TRIOBP: variants seen among roughly 807,000 people sequenced by gnomAD.
TRIOBP encodes the protein TRIO and F-actin binding protein, also known as TRIO and F-actin-binding protein.
TRIOBP carries 169 observed loss-of-function variants against 238.8 expected under a neutral mutation model. The ratio of observed to expected loss-of-function variants is 0.71; its 90% CI spans 0.62 to 0.80. The LOEUF is 0.80. Ranked by LOEUF, TRIOBP falls within the 30% of genes least tolerant of loss-of-function variation. TRIOBP has a pLI of 0.00. For synonymous variants in TRIOBP, 1,150 were observed against 1,274.4 expected, an observed-to-expected ratio of 0.90 and a Z score of 2.08; for missense variants, 2,838 against 3,122.6, an observed-to-expected ratio of 0.91 and a Z score of 2.17.
chr22:37,720,167 G>C (rs187611563), intron 6 of TRIOBP, among the ~76,000 whole-genome samples: 1 of 151,424 alleles, frequency 6.6e-6, no homozygotes, highest in Non-Finnish European at 1.5e-5. Flanking sequence ...GCACCACCAC[G>C]CCCGGCTAAT....
intron 16 of TRIOBP, 89 bp from the exon 17 acceptor site, chr22:37,759,065 G>T: frequency 9.2e-7 from 1 of 1,087,076 alleles, no homozygotes; most frequent in Non-Finnish European, 1.4e-6. Flanking sequence ...TTGTATCCGT[G>T]TGGAGCTGGA....
At chr22:37,707,949 AG>A (rs1253589979) in intron 3 of TRIOBP, among the ~76,000 whole-genome samples, 7 of 134,938 alleles carry the variant, frequency 5.2e-5, no homozygotes, top group Non-Finnish European at 1.1e-4. Flanking sequence ...CTCAAAAAAA[AG>A]AAAAAAAAAA....
intron 17 of TRIOBP, among the ~76,000 whole-genome samples, chr22:37,761,442 A>G (rs2145874320): frequency 1.3e-5 from 2 of 152,248 alleles, no homozygotes; most frequent in Middle Eastern, 6.8e-3. Context: ...GTGAGACTCT[A>G]TCTAAAAACA....
chr22:37,753,883 CG>C (rs1569055690), intron 12 of TRIOBP, among the ~76,000 whole-genome samples: 1 of 152,104 alleles, frequency 6.6e-6, no homozygotes, highest in Non-Finnish European at 1.5e-5. Context: ...TGGCAGTGGG[CG>C]GGCCGCGACT....
At chr22:37,698,217 AAG>A (rs1491032482) in intron 2 of TRIOBP, among the ~76,000 whole-genome samples, 2,879 of 127,436 alleles carry the variant, frequency 0.023, 259 homozygotes, top group African/African-American at 0.082. Context: ...AAAAAAAAAA[AAG>A]AAAGAAAGAC....
intron 11 of TRIOBP, among the ~76,000 whole-genome samples, chr22:37,742,699 C>T (rs1041539231): frequency 6.6e-6 from 1 of 152,154 alleles, no homozygotes; most frequent in Non-Finnish European, 1.5e-5. Flanking sequence ...ACACACAGCA[C>T]GTCTGGCAGG....
At chr22:37,736,108 A>G (rs1288730282) in intron 9 of TRIOBP, among the ~76,000 whole-genome samples, 2 of 152,212 alleles carry the variant, frequency 1.3e-5, no homozygotes, top group Admixed American at 1.3e-4. Flanking sequence ...AAGTGGGCCC[A>G]GCGCCGGGCA....
At chr22:37,714,089 G>A (rs1473388252) in intron 5 of TRIOBP, among the ~76,000 whole-genome samples, 1 of 152,178 alleles carries the variant, frequency 6.6e-6, no homozygotes, top group Non-Finnish European at 1.5e-5. Flanking sequence ...CCTCAGAAGT[G>A]GAGATTTCAG....
Position 37,701,553 on chromosome 22 carries a change from G to A in TRIOBP, c.114+74G>A, listed in dbSNP as rs955941871. ...GTGAAGGACTGGGCCTGTGGTGTCC[G>A]CTAACTCGCAGTTGAACCCAGATGC... is the stretch of plus-strand genomic sequence containing the variant. On this transcript the variant is annotated intron_variant, in intron 3 of 23. Coordinates refer to ENST00000644935, the MANE Select transcript of TRIOBP (RefSeq NM_001039141.3). 2.4e-4 allele frequency: 269 copies of A among 1,105,936 alleles called. 1 individual carries two copies. The highest frequency in any genetic ancestry group is 3.1e-4 in the Non-Finnish European group (229 of 738,260). 68.5% of individuals were successfully genotyped at this position (1,105,936 alleles called of 1,614,324 possible). A position where few individuals can be genotyped will look rare whatever the true frequency, so the allele number is the denominator to read the frequency against.
intron 6 of TRIOBP, among the ~76,000 whole-genome samples, chr22:37,720,940 C>G (rs1923791832): frequency 6.6e-6 from 1 of 152,172 alleles, no homozygotes; most frequent in African/African-American, 2.4e-5. Flanking sequence ...TCACTGCAAC[C>G]TCCACCTCCC....
rs1032335712 is a variant in TRIOBP at position 37,726,046 on chromosome 22, G to A, written c.3490G>A (p.Val1164Met). Residue 1164 changes from valine to methionine, a missense_variant, in exon 7 of 24, where the codon GTG (valine) becomes ATG (methionine). By Grantham distance (21) the Val-to-Met change is conservative (BLOSUM62 1). Coordinates refer to ENST00000644935, the MANE Select transcript of TRIOBP (RefSeq NM_001039141.3). ...LHECPHIPTP[V>M]CIGHRDAPSF... ...CGAGTGCCCCCACATCCCCACCCCT[G>A]TGTGCATTGGGCACCGGGATGCACC... is the stretch of plus-strand genomic sequence containing the variant. 8.1e-5 allele frequency: 131 copies of A among 1,610,672 alleles called. No individual in the cohort carries two copies. Among genetic ancestry groups the A allele is most frequent in the Non-Finnish European group, 1.1e-4 (124 of 1,178,764 alleles).
At chr22:37,753,443 T>C (rs1925736078) in intron 12 of TRIOBP, among the ~76,000 whole-genome samples, 1 of 151,918 alleles carries the variant, frequency 6.6e-6, no homozygotes, top group East Asian at 1.9e-4. Context: ...CCCATCTAAT[T>C]TTTTTTTGTA....
intron 3 of TRIOBP, among the ~76,000 whole-genome samples, chr22:37,709,381 G>A (rs1923114934): frequency 6.6e-6 from 1 of 152,204 alleles, no homozygotes; most frequent in Admixed American, 6.5e-5. Flanking sequence ...GTTCTTGGCT[G>A]GGGCCCGGCT....
Position 37,725,235 on chromosome 22 carries a change from G to A in TRIOBP, c.2679G>A (p.Arg893=). The A allele has an allele frequency of 1.2e-6, 2 of 1,613,966 alleles. No individual in the cohort carries two copies. The highest frequency in any genetic ancestry group is 1.7e-6 in the Non-Finnish European group (2 of 1,179,998). ...PHRSTQWNNP[R]NSSPHRTNKD... ...GCTCCACTCAATGGAACAATCCCAG[G>A]AATTCATCTCCCCATCGTACTAACA... The change falls in exon 7 of 24, where the codon AGG becomes AGA. Residue 893 remains arginine, a synonymous_variant. Transcript: ENST00000644935.
chr22:37,762,548 G>A (rs552527874), intron 17 of TRIOBP, among the ~76,000 whole-genome samples: 1 of 152,324 alleles, frequency 6.6e-6, no homozygotes, highest in South Asian at 2.1e-4. Context: ...CAGGCGGTCT[G>A]GTCCCCAGGT....
At chr22:37,735,773 G>A (rs769989311) in intron 9 of TRIOBP, among the ~76,000 whole-genome samples, 1 of 152,234 alleles carries the variant, frequency 6.6e-6, no homozygotes, top group East Asian at 1.9e-4. Flanking sequence ...CTTGCTGGTG[G>A]GGCATGGGCA....
intron 17 of TRIOBP, 125 bp downstream of exon 17, chr22:37,759,389 T>C (rs201415877): frequency 2.8e-5 from 35 of 1,268,436 alleles, no homozygotes; most frequent in Admixed American, 8.4e-5. Flanking sequence ...GCATTTGACA[T>C]GCGTCATCTC....
At chr22:37,759,116 A>T in intron 16 of TRIOBP, 38 bp from the exon 17 acceptor site, 1 of 1,552,122 alleles carries the variant, frequency 6.4e-7, no homozygotes. Context: ...GCCCTGCCCC[A>T]GCTTCCAGGT....
At chr22:37,744,891 A>G (rs1278244016) in intron 11 of TRIOBP, among the ~76,000 whole-genome samples, 5 of 151,248 alleles carry the variant, frequency 3.3e-5, no homozygotes, top group African/African-American at 4.9e-5. Flanking sequence ...TTTGAGAGGG[A>G]GTCTCGCTCC....
Sources: gnomAD v4.1 joint callset for allele counts (sites outside exome capture counted in the v4.1 genomes callset) on GRCh38, gnomAD v4.1.1 for gene constraint, MANE v1.5 for transcripts, NCBI Gene and HGNC (gene_info 2026-07-23, HGNC 2026-07-21) for gene names.